The following SLC18A2 variants were observed in gnomAD, a reference collection of about 807,000 sequenced individuals.
The protein encoded by SLC18A2 is solute carrier family 18 member A2.
Under a neutral mutation model 59.2 loss-of-function variants are expected in SLC18A2, and 33 were observed. The observed-to-expected ratio is 0.56, with a 90% CI of 0.42 to 0.75. The LOEUF (loss-of-function observed/expected upper bound fraction) is 0.75. SLC18A2 is among the 30% of genes least tolerant of loss of function. The pLI is 0.00. For synonymous variants in SLC18A2, 228 were observed against 253.5 expected (o/e 0.90, Z 0.95); for missense variants, 569 against 668.6 (o/e 0.85, Z 1.64).
chr10:117,242,085 C>T (rs1157075260), intron 2 of SLC18A2, among the ~76,000 whole-genome samples: 1 of 152,238 alleles, frequency 6.6e-6, no homozygotes, highest in East Asian at 1.9e-4. Context: ...TTCCCGCATC[C>T]TCTTGCCTGC....
intron 15 of SLC18A2, among the ~76,000 whole-genome samples, chr10:117,276,613 C>CAAAAAAAAAAAAAAAAAAA (rs1161850365): frequency 4.3e-5 from 2 of 46,712 alleles, no homozygotes; most frequent in African/African-American, 9.4e-5. Context: ...GACTTCATCT[C>CAAAAAAAAAAAAAAAAAAA]AAAAAAAAAA....
intron 10 of SLC18A2, among the ~76,000 whole-genome samples, chr10:117,263,866 C>A (rs1844320733): frequency 1.3e-5 from 2 of 152,142 alleles, no homozygotes; most frequent in Admixed American, 6.5e-5. Context: ...GGACACGGGC[C>A]TGTACCAGAA....
At chr10:117,273,743 A>T (rs1844452670) in intron 15 of SLC18A2, among the ~76,000 whole-genome samples, 1 of 152,228 alleles carries the variant, frequency 6.6e-6, no homozygotes, top group African/African-American at 2.4e-5. Flanking sequence ...CCCAGGACCT[A>T]TCATCAAAAT....
At chr10:117,259,594 A>G (rs1844271330) in intron 10 of SLC18A2, among the ~76,000 whole-genome samples, 1 of 152,126 alleles carries the variant, frequency 6.6e-6, no homozygotes, top group African/African-American at 2.4e-5. Flanking sequence ...CCCTTATCCT[A>G]CACTTTGTTG....
chr10:117,257,190 A>G (rs753693820), intron 9 of SLC18A2, among the ~76,000 whole-genome samples: 43 of 152,218 alleles, frequency 2.8e-4, no homozygotes, highest in Non-Finnish European at 5.0e-4. Flanking sequence ...GATGGAGAAC[A>G]GTTCCGTGGG....
At chr10:117,249,447 A>C (rs546924035) in intron 3 of SLC18A2, among the ~76,000 whole-genome samples, 2 of 152,348 alleles carry the variant, frequency 1.3e-5, no homozygotes, top group South Asian at 2.1e-4. Flanking sequence ...CAAACCTCCT[A>C]CTATATCCAG....
chr10:117,247,525 T>C (rs988776258), intron 3 of SLC18A2, among the ~76,000 whole-genome samples: 3 of 152,232 alleles, frequency 2.0e-5, no homozygotes, highest in African/African-American at 4.8e-5. Flanking sequence ...CTTTAGCTAC[T>C]AGAAATAAAG....
chr10:117,253,121 C>T (rs1003485942), intron 3 of SLC18A2, among the ~76,000 whole-genome samples: 3 of 152,070 alleles, frequency 2.0e-5, no homozygotes, highest in African/African-American at 7.2e-5. Context: ...AAATAGGGGC[C>T]GTGTATTTTG....
chr10:117,252,903 A>G (rs1250410296), intron 3 of SLC18A2, among the ~76,000 whole-genome samples: 1 of 152,170 alleles, frequency 6.6e-6, no homozygotes, highest in African/African-American at 2.4e-5. Flanking sequence ...TGCACAGAAA[A>G]TGAGACTTTG....
At chr10:117,272,443 G>C (rs1266905782) in intron 15 of SLC18A2, among the ~76,000 whole-genome samples, 3 of 152,176 alleles carry the variant, frequency 2.0e-5, no homozygotes, top group Non-Finnish European at 4.4e-5. Context: ...AATGAATGAG[G>C]TCAGAGGATG....
chr10:117,255,448 G>A (rs774471931), intron 7 of SLC18A2, 31 bp from the exon 8 acceptor site: 2 of 1,614,144 alleles, frequency 1.2e-6, no homozygotes, highest in Non-Finnish European at 1.7e-6. Flanking sequence ...TTTCTGAAGA[G>A]GGGCTTGTCT....
At chr10:117,258,217 CTAAT>C (rs1844251849) in intron 10 of SLC18A2, among the ~76,000 whole-genome samples, 3 of 152,204 alleles carry the variant, frequency 2.0e-5, no homozygotes, top group Admixed American at 2.0e-4. Context: ...TAATAACAAA[CTAAT>C]TGTTAAAAGG....
chr10:117,257,632 T>C (rs1038253786), intron 9 of SLC18A2, among the ~76,000 whole-genome samples, 165 bp from the exon 10 acceptor site: 3 of 152,222 alleles, frequency 2.0e-5, no homozygotes, highest in Non-Finnish European at 4.4e-5. Flanking sequence ...ATGATGATGA[T>C]GATTATGATA....
At chr10:117,249,043 A>G (rs1160554730) in intron 3 of SLC18A2, among the ~76,000 whole-genome samples, 1 of 152,218 alleles carries the variant, frequency 6.6e-6, no homozygotes. Context: ...TGAAATCTCT[A>G]CGAAATCTAC....
At position 117,244,121 on chromosome 10, in the gene SLC18A2, A is replaced by T; in HGVS notation, c.272A>T (p.Asn91Ile). 1 of 1,614,196 alleles carries T rather than the reference A, an allele frequency of 6.2e-7. No homozygotes were observed. Among genetic ancestry groups the T allele is most frequent in the Non-Finnish European group, 8.5e-7 (1 of 1,180,042 alleles). Residue 91 changes from asparagine (N) to isoleucine (I), a missense_variant, in exon 3 of 16, where the codon AAT becomes ATT. Coordinates refer to ENST00000644641, the MANE Select transcript of SLC18A2 (RefSeq NM_003054.6). Reference sequence around the variant, plus strand: ...GATAACTCGACTATGGTCACCGGGAATGCTACCAGAGACCTGACACTTCAT... The same window carrying T: ...GATAACTCGACTATGGTCACCGGGATTGCTACCAGAGACCTGACACTTCAT... ...YYDNSTMVTG[N>I]ATRDLTLHQT...
In SLC18A2 at chr10:117,243,986, G is replaced by A; in HGVS notation, c.137G>A (p.Ser46Asn). The A allele has an allele frequency of 2.5e-6, 4 of 1,612,684 alleles. No individual in the cohort carries two copies. Among genetic ancestry groups the A allele is most frequent in the Non-Finnish European group, 2.5e-6 (3 of 1,179,044 alleles). Residue 46 changes from serine (S) to asparagine (N), a missense_variant, in exon 3 of 16, where the codon AGT becomes AAT. Physicochemically the swap from Ser to Asn is conservative, Grantham distance 46. Around this residue, in one of 2 missense-constraint regions of SLC18A2, gnomAD observed 377 missense variants for 389.8 expected, o/e 0.97. Coordinates refer to ENST00000644641, the MANE Select transcript of SLC18A2 (RefSeq NM_003054.6). ...TTATCCCCAGTCCCCATCATCCCAA[G>A]TTATCTGTACAGCATTAAGCATGAG... ...LLTVVVPIIP[S>N]YLYSIKHEKN... is the part of the protein sequence containing the mutation.
rs189243376 is a variant in SLC18A2 at position 117,246,892 on chromosome 10, G to A, written c.464+2579G>A. Among the ~76,000 whole-genome samples, 248 of 152,280 alleles carry A rather than the reference G, an allele frequency of 1.6e-3. 2 individuals carry two copies. The highest frequency in any genetic ancestry group is 2.5e-3 in the Non-Finnish European group (170 of 68,022). ...TGGTGTCGAACTCCTGACCTCAGGT[G>A]ATCTGCCCACCTCGGCCTCCCAAAG... is the stretch of plus-strand genomic sequence containing the variant. On this transcript the variant is annotated intron_variant, in intron 3 of 15. Coordinates refer to ENST00000644641, the MANE Select transcript of SLC18A2 (RefSeq NM_003054.6).
rs191851033 is a variant in SLC18A2 at position 117,269,721 on chromosome 10, A to G, written c.1187-350A>G. Among the ~76,000 whole-genome samples, 46 of 152,264 alleles carry G rather than the reference A, an allele frequency of 3.0e-4. No individual in the cohort carries two copies. In the East Asian group the frequency reaches 6.9e-3, roughly 23 times the overall value. ...CAGGCACATGAGGAAAGTTTCTTTC[A>G]TTGAAATGGTGCTTGCTGCTTCCTA... On this transcript the variant is annotated intron_variant, in intron 13 of 15. Transcript: ENST00000644641. This position sits in a 1 kb window ranked among gnomAD's most constrained non-coding sequence, Gnocchi z 5.1.
intron 9 of SLC18A2, among the ~76,000 whole-genome samples, chr10:117,255,867 T>G (rs763585616): frequency 6.6e-6 from 1 of 152,224 alleles, no homozygotes; most frequent in African/African-American, 2.4e-5. Context: ...CCTTTTTGTC[T>G]CATTTGGGGA....
Sources: gnomAD v4.1 joint callset for allele counts (sites outside exome capture counted in the v4.1 genomes callset) on GRCh38, gnomAD v4.1.1 for gene constraint, gnomAD v4.1.1 regional missense constraint, Gnocchi (gnomAD v3.1) non-coding constraint, MANE v1.5 for transcripts, NCBI Gene and HGNC (gene_info 2026-07-23, HGNC 2026-07-21) for gene names.